OSTN: variants seen among roughly 807,000 people sequenced by gnomAD.
OSTN encodes osteocrin.
OSTN carries 9 observed loss-of-function variants against 12.0 expected under a neutral mutation model. The ratio of observed to expected loss-of-function variants is 0.75; its 90% confidence interval spans 0.45 to 1.30. The LOEUF (loss-of-function observed/expected upper bound fraction) is 1.30, where lower values mean the gene tolerates loss of function less well. OSTN is among the 50% of genes most tolerant of loss of function. The probability of loss-of-function intolerance (pLI) is 0.00; values close to 1 mark genes in which losing one functional copy is unlikely to be tolerated. For missense variants in OSTN, 148 were observed against 152.3 expected (o/e 0.97, Z 0.15); for synonymous variants, 59 against 56.9 (o/e 1.04, Z -0.16).
At chr3:191,228,213 A>G (rs1200846573) in intron 3 of OSTN, among the ~76,000 whole-genome samples, 3 of 152,150 alleles carry the variant, frequency 2.0e-5, no homozygotes, top group Admixed American at 1.3e-4. Flanking sequence ...CTTCCTTGCT[A>G]TCAGGTAGGA....
chr3:191,202,029 G>T (rs112748401), intron 1 of OSTN, among the ~76,000 whole-genome samples: 2 of 152,152 alleles, frequency 1.3e-5, no homozygotes, highest in African/African-American at 2.4e-5. Flanking sequence ...TCAGGATTCA[G>T]ATCCAGGTCT....
chr3:191,252,718 A>C (rs1002707350), intron 4 of OSTN, among the ~76,000 whole-genome samples: 1 of 152,200 alleles, frequency 6.6e-6, no homozygotes, highest in Non-Finnish European at 1.5e-5. Flanking sequence ...CCTCATGTGA[A>C]GTTTCATGTT....
chr3:191,210,168 T>C, intron 1 of OSTN, among the ~76,000 whole-genome samples: 1 of 151,532 alleles, frequency 6.6e-6, no homozygotes, highest in Non-Finnish European at 1.5e-5. Context: ...AGAGGAGAGG[T>C]GCTATACACT....
chr3:191,226,494 AG>A (rs1714914373), intron 3 of OSTN, among the ~76,000 whole-genome samples: 1 of 152,204 alleles, frequency 6.6e-6, no homozygotes, highest in Admixed American at 6.5e-5. Flanking sequence ...AAGACGCAAA[AG>A]CACAAACATA....
intron 3 of OSTN, among the ~76,000 whole-genome samples, chr3:191,223,142 C>A (rs746893973): frequency 5.3e-5 from 8 of 152,104 alleles, no homozygotes; most frequent in Non-Finnish European, 1.0e-4. Flanking sequence ...TAATGAGAAA[C>A]TACCTAGGTG....
At chr3:191,250,301 ATAACT>A (rs1157033067) in intron 4 of OSTN, among the ~76,000 whole-genome samples, 168 bp downstream of exon 4, 1 of 152,196 alleles carries the variant, frequency 6.6e-6, no homozygotes, top group African/African-American at 2.4e-5. Context: ...TTAATGTTAA[ATAACT>A]TAAATGATAT....
intron 3 of OSTN, among the ~76,000 whole-genome samples, chr3:191,237,133 C>T (rs1003329696): frequency 3.3e-5 from 5 of 152,082 alleles, no homozygotes; most frequent in African/African-American, 1.2e-4. Flanking sequence ...TCTGATTAGC[C>T]TAAGTAAATC....
intron 3 of OSTN, among the ~76,000 whole-genome samples, chr3:191,223,641 T>G (rs568438935): frequency 6.6e-6 from 1 of 152,260 alleles, no homozygotes; most frequent in South Asian, 2.1e-4. Flanking sequence ...TTATAAATCT[T>G]GTACTAAATA....
intron 3 of OSTN, among the ~76,000 whole-genome samples, chr3:191,242,801 T>C (rs1054602048): frequency 2.0e-5 from 3 of 152,180 alleles, no homozygotes; most frequent in African/African-American, 7.2e-5. Context: ...GGTGATTTAT[T>C]ACATGAGATG....
Position 191,241,167 on chromosome 3 carries a change from CTTTTTTTTTTTT to C in OSTN, c.318-8852_318-8841del, listed in dbSNP as rs575332839. On this transcript the variant is annotated intron_variant, in intron 3 of 4. Transcript: ENST00000682035. ...AAGTTGGTGGAGCTCTGTGCCTTGA[CTTTTTTTTTTTT>C]TTTTTTTTTTTTTTTTTGAGACGGA... Among the ~76,000 whole-genome samples the C allele has an allele frequency of 2.3e-3, 107 of 46,466 alleles. 1 individual carries two copies. The highest frequency in any genetic ancestry group is 4.9e-3 in the African/African-American group (93 of 18,952). 30.5% of individuals were successfully genotyped at this position (46,466 alleles called of 152,430 possible).
intron 3 of OSTN, among the ~76,000 whole-genome samples, chr3:191,247,331 C>T (rs1715456084): frequency 6.6e-6 from 1 of 152,018 alleles, no homozygotes; most frequent in African/African-American, 2.4e-5. Flanking sequence ...AATTTTTCAT[C>T]AAGAAATGTA....
chr3:191,217,491 T>A (rs929941866), intron 2 of OSTN, among the ~76,000 whole-genome samples: 1 of 152,062 alleles, frequency 6.6e-6, no homozygotes, highest in Non-Finnish European at 1.5e-5. Context: ...AGCTAAAAAA[T>A]TTTTCCCTCA....
chr3:191,250,311 T>C (rs1394939735), intron 4 of OSTN, among the ~76,000 whole-genome samples, 178 bp downstream of exon 4: 1 of 152,194 alleles, frequency 6.6e-6, no homozygotes, highest in East Asian at 1.9e-4. Flanking sequence ...ATAACTTAAA[T>C]GATATTTAAA....
intron 1 of OSTN, among the ~76,000 whole-genome samples, chr3:191,209,367 T>A (rs1228495733): frequency 6.6e-6 from 1 of 152,200 alleles, no homozygotes; most frequent in Non-Finnish European, 1.5e-5. Context: ...TGCATTCTTA[T>A]TGGTTATTTT....
chr3:191,204,756 T>C (rs1227933263), intron 1 of OSTN, among the ~76,000 whole-genome samples: 1 of 152,236 alleles, frequency 6.6e-6, no homozygotes, highest in African/African-American at 2.4e-5. Context: ...AGATTACCTA[T>C]AGAATGACAA....
At chr3:191,241,279 C>T (rs1267560184) in intron 3 of OSTN, among the ~76,000 whole-genome samples, 1 of 147,346 alleles carries the variant, frequency 6.8e-6, no homozygotes, top group Non-Finnish European at 1.5e-5. Flanking sequence ...CCCGGGTTCA[C>T]GCCATTCTCC....
intron 1 of OSTN, among the ~76,000 whole-genome samples, chr3:191,209,507 T>C (rs1714365782): frequency 6.6e-6 from 1 of 152,210 alleles, no homozygotes; most frequent in African/African-American, 2.4e-5. Flanking sequence ...GAACGGAATA[T>C]GGAGAAGCTT....
chr3:191,212,990 C>G (rs1490163848), intron 2 of OSTN, among the ~76,000 whole-genome samples: 1 of 150,234 alleles, frequency 6.7e-6, no homozygotes, highest in Non-Finnish European at 1.5e-5. Flanking sequence ...CCTGCCTCAG[C>G]CTCCCAAGTA....
Position 191,250,142 on chromosome 3 carries a change from A to C in OSTN, c.*12+9A>C. 1 of 1,555,862 alleles carries C rather than the reference A, an allele frequency of 6.4e-7. No individual in the cohort carries two copies. The highest frequency in any genetic ancestry group is 1.4e-5 in the African/African-American group (1 of 73,616). On this transcript the variant is annotated intron_variant, in intron 4 of 4. Coordinates refer to ENST00000682035, the MANE Select transcript of OSTN (RefSeq NM_198184.2). ...GCTAATTGATTCCAATTGTGAGTAC[A>C]ATTTGAATAAGTAACAGTATATGCA... is the stretch of plus-strand genomic sequence containing the variant.
Sources: gnomAD v4.1 joint callset for allele counts (sites outside exome capture counted in the v4.1 genomes callset) on GRCh38, gnomAD v4.1.1 for gene constraint, MANE v1.5 for transcripts, NCBI Gene and HGNC (gene_info 2026-07-23, HGNC 2026-07-21) for gene names.